PLA2G4E: variants seen among roughly 807,000 people sequenced by gnomAD.
PLA2G4E encodes phospholipase A2 group IVE, also known as cytosolic phospholipase A2 epsilon.
In PLA2G4E, 84 loss-of-function variants were observed where a neutral mutation model predicts 109.1. The observed-to-expected ratio is 0.77, with a 90% CI of 0.65 to 0.92. The LOEUF (loss-of-function observed/expected upper bound fraction) is 0.92, where lower values mean the gene tolerates loss of function less well. Ranked by LOEUF, PLA2G4E falls within the 40% of genes least tolerant of loss-of-function variation. The pLI is 0.00. For synonymous variants in PLA2G4E, 469 were observed against 436.1 expected (o/e 1.08, Z -0.94); for missense variants, 1,057 against 1,076.6 (o/e 0.98, Z 0.25).
chr15:41,996,275 G>A (rs983508835), intron 11 of PLA2G4E, among the ~76,000 whole-genome samples: 1 of 150,846 alleles, frequency 6.6e-6, no homozygotes, highest in Non-Finnish European at 1.5e-5. Context: ...TTGAGCCTGG[G>A]AGGTGGAGGC....
intron 1 of PLA2G4E, among the ~76,000 whole-genome samples, chr15:42,036,159 C>A (rs1158936100): frequency 1.3e-5 from 2 of 152,174 alleles, no homozygotes; most frequent in African/African-American, 2.4e-5. Flanking sequence ...CCATCTGGAG[C>A]GGCCGCTGCC....
At chr15:42,005,914 A>C in intron 4 of PLA2G4E, 76 bp downstream of exon 4, 2 of 1,517,746 alleles carry the variant, frequency 1.3e-6, no homozygotes, top group Non-Finnish European at 1.8e-6. Flanking sequence ...ACCCTGGGGA[A>C]TGGCTTTGTG....
intron 5 of PLA2G4E, among the ~76,000 whole-genome samples, chr15:42,003,950 C>G (rs552305529): frequency 4.6e-5 from 7 of 152,252 alleles, no homozygotes; most frequent in Admixed American, 2.6e-4. Context: ...TCCCTCCTTC[C>G]AGACCTCCAG....
At chr15:41,999,843 G>A in intron 9 of PLA2G4E, 74 bp downstream of exon 9, 5 of 1,447,920 alleles carry the variant, frequency 3.5e-6, no homozygotes, top group Admixed American at 3.9e-5. Flanking sequence ...ACCTCCCCAG[G>A]CTCTCCCCAC....
At chr15:41,999,932 C>T (rs1351899800) in exon 9 of PLA2G4E, 1 of 1,610,130 alleles carries the variant, frequency 6.2e-7, no homozygotes. Flanking sequence ...GCAGGGTCAT[C>T]ACCTGACCAT....
intron 1 of PLA2G4E, among the ~76,000 whole-genome samples, chr15:42,016,425 C>T (rs2068596041): frequency 6.6e-6 from 1 of 151,878 alleles, no homozygotes; most frequent in Non-Finnish European, 1.5e-5. Flanking sequence ...GCAACCTCTG[C>T]CTCCCAGGTT....
Position 41,983,966 on chromosome 15 carries a change from G to A in PLA2G4E, c.2395C>T (p.Arg799Ter), listed in dbSNP as rs534583315. 1.7e-5 allele frequency: 28 copies of A among 1,606,976 alleles called. No individual in the cohort carries two copies. Among genetic ancestry groups the A allele is most frequent in the African/African-American group, 4.0e-5 (3 of 74,916 alleles). The change falls in exon 20 of 20, where the codon CGA (arginine) becomes TGA (stop). Residue 799 changes from arginine to a stop codon, truncating the protein, a stop_gained. Coordinates refer to ENST00000399518, the Ensembl canonical transcript of PLA2G4E. LOFTEE classifies it high-confidence loss of function. ...CCCTGCTCCAGCTCCTCAGGGCTTC[G>A]CTCTACACCTGTGGGCAGCAGGATG... is the stretch of plus-strand genomic sequence containing the variant.
At chr15:42,011,703 CT>C (rs919745560) in intron 2 of PLA2G4E, among the ~76,000 whole-genome samples, 2 of 151,894 alleles carry the variant, frequency 1.3e-5, no homozygotes, top group Admixed American at 1.3e-4. Context: ...GCACTCCAGC[CT>C]GGGCAACAGA....
chr15:42,017,421 C>T (rs928235489), intron 1 of PLA2G4E, among the ~76,000 whole-genome samples: 4 of 152,236 alleles, frequency 2.6e-5, no homozygotes, highest in African/African-American at 9.6e-5. Flanking sequence ...CTGCTGCGTG[C>T]CAGCCATGCG....
chr15:41,994,477 A>G (rs1456066297), intron 12 of PLA2G4E, among the ~76,000 whole-genome samples: 2 of 152,184 alleles, frequency 1.3e-5, no homozygotes, highest in Non-Finnish European at 2.9e-5. Context: ...GCCACCCTGA[A>G]CCAGGGCCAC....
intron 1 of PLA2G4E, among the ~76,000 whole-genome samples, chr15:42,031,679 C>G (rs1296900977): frequency 6.6e-6 from 1 of 152,194 alleles, no homozygotes; most frequent in Non-Finnish European, 1.5e-5. Context: ...GCACCCACAA[C>G]TAGACTCTGC....
At chr15:42,047,650 G>C (rs1179904841) in intron 1 of PLA2G4E, among the ~76,000 whole-genome samples, 1 of 152,144 alleles carries the variant, frequency 6.6e-6, no homozygotes, top group Non-Finnish European at 1.5e-5. Context: ...AGATTCCACT[G>C]TTACCCAGTG....
chr15:42,025,910 A>C (rs1595574033), intron 1 of PLA2G4E, among the ~76,000 whole-genome samples: 1 of 152,384 alleles, frequency 6.6e-6, no homozygotes, highest in Non-Finnish European at 1.5e-5. Flanking sequence ...ATTAAAATAA[A>C]ACTATATATA....
chr15:42,041,805 C>T (rs943936499), intron 1 of PLA2G4E, among the ~76,000 whole-genome samples: 10 of 152,202 alleles, frequency 6.6e-5, no homozygotes, highest in African/African-American at 2.4e-4. Context: ...TATCAACAGA[C>T]ACTTGGTCAC....
At chr15:41,996,465 C>A (rs892048505) in intron 11 of PLA2G4E, among the ~76,000 whole-genome samples, 7 of 151,388 alleles carry the variant, frequency 4.6e-5, no homozygotes, top group Non-Finnish European at 1.0e-4. Flanking sequence ...TTGGCTAAAG[C>A]GCTATTACAA....
At chr15:41,988,189 C>A in intron 15 of PLA2G4E, 33 bp from the exon 16 acceptor site, 4 of 1,487,888 alleles carry the variant, frequency 2.7e-6, no homozygotes, top group Non-Finnish European at 3.7e-6. Flanking sequence ...GCAGCTCCAC[C>A]CTGCAGCCCC....
chr15:41,995,271 G>T, intron 12 of PLA2G4E, 89 bp downstream of exon 12: 1 of 1,497,636 alleles, frequency 6.7e-7, no homozygotes, highest in Non-Finnish European at 9.1e-7. Flanking sequence ...TTGTCTTTGG[G>T]TGGCGGGGAG....
chr15:41,989,294 C>A, intron 15 of PLA2G4E, 121 bp downstream of exon 15: 2 of 1,370,982 alleles, frequency 1.5e-6, no homozygotes, highest in Admixed American at 2.4e-5. Context: ...GACTTGGGAC[C>A]ACTCCTAGGA....
In PLA2G4E at chr15:42,002,264, CAAAAAA is replaced by C. The variant is rs71108143; in HGVS notation, c.609+384_609+389del. The stretch of plus-strand genomic sequence containing the variant: ...TGGGCGACAGAGTGAGACCTTGTCT[CAAAAAA>C]AAAAAAAAAAAAAAAAAGGTAAACT... On this transcript the variant is annotated intron_variant, in intron 6 of 19. Coordinates refer to ENST00000399518, the Ensembl canonical transcript of PLA2G4E. Among the ~76,000 whole-genome samples, 136 of 73,218 alleles carry C rather than the reference CAAAAAA, an allele frequency of 1.9e-3. 1 individual carries two copies. The highest frequency in any genetic ancestry group is 7.7e-3 in the African/African-American group (124 of 16,182). The allele number at this position is 73,218 out of a possible 152,430, so 48.0% of individuals were successfully genotyped here.
Sources: allele counts gnomAD v4.1 joint callset (sites outside exome capture counted in the v4.1 genomes callset), GRCh38; gene constraint gnomAD v4.1.1; transcripts MANE v1.5; gene names NCBI Gene and HGNC (gene_info 2026-07-23, HGNC 2026-07-21).